The following CFAP70 variants were observed in gnomAD, a reference collection of about 807,000 sequenced individuals.
CFAP70 encodes the protein cilia and flagella associated protein 70.
A neutral mutation model predicts 137.6 loss-of-function variants in CFAP70; 81 were observed. That is an observed-to-expected ratio of 0.59 (90% CI 0.49 to 0.71). CFAP70 has a LOEUF of 0.71. CFAP70 is among the 30% of genes least tolerant of loss of function. CFAP70 has a pLI of 0.00. For synonymous variants in CFAP70, 382 were observed against 423.6 expected (o/e 0.90, Z 1.20); for missense variants, 976 against 1,226.7 (o/e 0.80, Z 3.05).
chr10:73,257,423 T>A (rs1484721607), intron 25 of CFAP70, among the ~76,000 whole-genome samples: 1 of 152,222 alleles, frequency 6.6e-6, no homozygotes, highest in African/African-American at 2.4e-5. Context: ...TTAAATGAGA[T>A]AATATGAATC....
chr10:73,313,495 A>G (rs1434929784), intron 9 of CFAP70, among the ~76,000 whole-genome samples: 1 of 148,752 alleles, frequency 6.7e-6, no homozygotes, highest in African/African-American at 2.5e-5. Context: ...GTGAGCCATG[A>G]CTACACCACT....
intron 6 of CFAP70, among the ~76,000 whole-genome samples, chr10:73,338,616 A>C (rs2052935924): frequency 6.8e-6 from 1 of 147,504 alleles, no homozygotes; most frequent in Non-Finnish European, 1.5e-5. Context: ...TTTTTAGTAG[A>C]GATGGGGTTT....
chr10:73,357,005 G>A (rs1053749143), intron 1 of CFAP70, among the ~76,000 whole-genome samples: 14 of 152,166 alleles, frequency 9.2e-5, no homozygotes, highest in African/African-American at 2.7e-4. Flanking sequence ...GAGGACGAGA[G>A]ACGTGTAACT....
At chr10:73,256,490 T>C (rs2044509837) in intron 25 of CFAP70, 74 bp from the exon 27 acceptor site, 1 of 1,504,888 alleles carries the variant, frequency 6.6e-7, no homozygotes, top group East Asian at 2.3e-5. Context: ...TTGCCTCAGC[T>C]AAGGCAGAGG....
chr10:73,280,397 A>G (rs973092935), intron 19 of CFAP70, among the ~76,000 whole-genome samples: 4 of 152,144 alleles, frequency 2.6e-5, no homozygotes, highest in African/African-American at 9.7e-5. Flanking sequence ...TTTCTTTGGG[A>G]TGGCTTTGTC....
intron 12 of CFAP70, 93 bp from the exon 14 acceptor site, chr10:73,299,758 G>T: frequency 3.0e-6 from 3 of 996,600 alleles, no homozygotes; most frequent in Non-Finnish European, 4.3e-6. Flanking sequence ...AAGTGTCTGG[G>T]TGGGGGAGAT....
At chr10:73,284,806 A>C in intron 19 of CFAP70, among the ~76,000 whole-genome samples, 1 of 85,568 alleles carries the variant, frequency 1.2e-5, no homozygotes, top group African/African-American at 4.3e-5. Context: ...ATATATATAA[A>C]AGTTGTTTTG....
rs1419132164 is a variant in CFAP70, at chr10:73,357,333, T to C, written c.-40+1381A>G. 1.3e-5 allele frequency among the ~76,000 whole-genome samples: 2 copies of C among 152,144 alleles called. 1 individual carries two copies. The highest frequency in any genetic ancestry group is 4.8e-5 in the African/African-American group (2 of 41,426). The stretch of plus-strand genomic sequence containing the variant: ...TGAATGAAGCTGGGACCTAGCTGGA[T>C]TTGAGAATACATATGCATGCCAGGA... On this transcript the variant is annotated intron_variant, in intron 1 of 26. Transcript: ENST00000310715.
At chr10:73,306,561 G>GA (rs888455528) in intron 12 of CFAP70, among the ~76,000 whole-genome samples, 5 of 151,158 alleles carry the variant, frequency 3.3e-5, no homozygotes, top group African/African-American at 9.7e-5. Context: ...AAGTCTGAAA[G>GA]AAAAAAAAAT....
At chr10:73,315,107 A>G (rs1362448593) in intron 9 of CFAP70, among the ~76,000 whole-genome samples, 1 of 151,414 alleles carries the variant, frequency 6.6e-6, no homozygotes. Flanking sequence ...TAGTCCAGTT[A>G]CTCAGGAGGC....
At chr10:73,327,114 C>T (rs1193830649) in intron 8 of CFAP70, among the ~76,000 whole-genome samples, 4 of 148,750 alleles carry the variant, frequency 2.7e-5, no homozygotes, top group African/African-American at 5.0e-5. Context: ...CCGAATCCAG[C>T]AGCACATCAA....
chr10:73,348,178 T>C, intron 4 of CFAP70: 1 of 1,614,186 alleles, frequency 6.2e-7, no homozygotes, highest in Non-Finnish European at 8.5e-7. Context: ...TCTAGGAGTT[T>C]CTAAGGGTGA....
At chr10:73,289,681 A>C (rs1331877018) in intron 19 of CFAP70, among the ~76,000 whole-genome samples, 5 of 152,206 alleles carry the variant, frequency 3.3e-5, no homozygotes, top group Non-Finnish European at 7.3e-5. Flanking sequence ...ACTTATCAAG[A>C]GAAAAAGGCA....
At chr10:73,349,487 G>A (rs1032340231) in intron 3 of CFAP70, among the ~76,000 whole-genome samples, 2 of 151,550 alleles carry the variant, frequency 1.3e-5, no homozygotes, top group Non-Finnish European at 2.9e-5. Context: ...AGCTTGCAGT[G>A]AGCCGAGACT....
chr10:73,329,572 C>G (rs1208610862), intron 8 of CFAP70, among the ~76,000 whole-genome samples: 1 of 152,030 alleles, frequency 6.6e-6, no homozygotes, highest in African/African-American at 2.4e-5. Flanking sequence ...AATACATACT[C>G]AAATTAATTG....
In CFAP70 at chr10:73,259,660, A is replaced by G. The variant is rs1445958521; in HGVS notation, c.3028-3244T>C. ...CTTATTATAAATATTGGCAGAATTT[A>G]TAACTAATAGAGGATTAGCATCCAG... is the stretch of plus-strand genomic sequence containing the variant. On this transcript the variant is annotated intron_variant, in intron 25 of 26. Transcript: ENST00000310715. 5.3e-5 allele frequency among the ~76,000 whole-genome samples: 8 copies of G among 152,232 alleles called. No individual in the cohort carries two copies. The East Asian group carries it at 1.3e-3, about 26-fold the overall frequency.
At chr10:73,329,560 T>C (rs2051855267) in intron 8 of CFAP70, among the ~76,000 whole-genome samples, 1 of 152,116 alleles carries the variant, frequency 6.6e-6, no homozygotes, top group Non-Finnish European at 1.5e-5. Context: ...AGTAGTTGAA[T>C]CAATACATAC....
chr10:73,279,020 T>A (rs1054244477), intron 19 of CFAP70: 6 of 150,712 alleles, frequency 4.0e-5, no homozygotes, highest in African/African-American at 1.5e-4. Flanking sequence ...ACTGCTGGCA[T>A]GTGTATGTAT....
At chr10:73,325,815 A>G (rs2051360805) in intron 8 of CFAP70, among the ~76,000 whole-genome samples, 1 of 152,202 alleles carries the variant, frequency 6.6e-6, no homozygotes, top group Non-Finnish European at 1.5e-5. Context: ...CACCCAATAC[A>G]GGAGCACCCA....
Sources: allele counts gnomAD v4.1 joint callset (sites outside exome capture counted in the v4.1 genomes callset), GRCh38; gene constraint gnomAD v4.1.1; transcripts MANE v1.5; gene names NCBI Gene and HGNC (gene_info 2026-07-23, HGNC 2026-07-21).